PRMT8: variants seen among roughly 807,000 people sequenced by gnomAD.
PRMT8 encodes the protein protein arginine methyltransferase 8.
Under a neutral mutation model 47.1 loss-of-function variants are expected in PRMT8, and 7 were observed. The observed-to-expected ratio is 0.15, with a 90% CI of 0.08 to 0.28. The LOEUF (loss-of-function observed/expected upper bound fraction) is 0.28. PRMT8 is among the 10% of genes least tolerant of loss of function. The probability of loss-of-function intolerance (pLI) is 1.00; values close to 1 mark genes in which losing one functional copy is unlikely to be tolerated. For synonymous variants in PRMT8, 188 were observed against 186.5 expected (o/e 1.01, Z -0.07); for missense variants, 237 against 505.4 (o/e 0.47, Z 5.09).
intron 1 of PRMT8, among the ~76,000 whole-genome samples, chr12:3,527,863 T>TA (rs1865970524): frequency 1.3e-5 from 2 of 152,324 alleles, no homozygotes; most frequent in South Asian, 4.1e-4. Flanking sequence ...TGTATGTCTC[T>TA]AAAAGACTTT....
At chr12:3,523,089 T>A (rs574986070) in intron 1 of PRMT8, among the ~76,000 whole-genome samples, 1 of 152,054 alleles carries the variant, frequency 6.6e-6, no homozygotes, top group South Asian at 2.1e-4. Flanking sequence ...GCCTGCCAAG[T>A]CTTACAGTGT....
chr12:3,533,571 C>T (rs554649604), intron 1 of PRMT8, among the ~76,000 whole-genome samples: 1 of 152,334 alleles, frequency 6.6e-6, no homozygotes, highest in African/African-American at 2.4e-5. Flanking sequence ...CTCCCCTTTG[C>T]CCCCAGACTC....
In PRMT8 at chr12:3,409,372, G is replaced by T. The variant is rs968794151; in HGVS notation, c.48+27930G>T. ...CCAATAGGTCACAGCAGCAACTCAG[G>T]CCCTGGGGAATAAGGCACCACGTAG... is the stretch of plus-strand genomic sequence containing the variant. On this transcript the variant is annotated intron_variant, in intron 1 of 9. Coordinates refer to the PRMT8 transcript ENST00000452611. This position sits in a 1 kb window ranked among gnomAD's most constrained non-coding sequence, Gnocchi z 4.4. 1.3e-5 allele frequency among the ~76,000 whole-genome samples: 2 copies of T among 152,168 alleles called. No homozygotes were observed. The highest frequency in any genetic ancestry group is 2.9e-5 in the Non-Finnish European group (2 of 68,020).
chr12:3,422,944 CT>C (rs1238697902), intron 1 of PRMT8, among the ~76,000 whole-genome samples: 3 of 152,232 alleles, frequency 2.0e-5, no homozygotes, highest in Non-Finnish European at 4.4e-5. Context: ...ATATAGTACA[CT>C]TGTGCTGAAG....
At chr12:3,574,443 C>A (rs1299966015) in intron 6 of PRMT8, among the ~76,000 whole-genome samples, 2 of 152,244 alleles carry the variant, frequency 1.3e-5, no homozygotes, top group African/African-American at 4.8e-5. Flanking sequence ...AAAAACTGTT[C>A]CAAGTGATTC....
At chr12:3,391,602 G>T (rs188614704) in intron 1 of PRMT8, among the ~76,000 whole-genome samples, 1 of 152,332 alleles carries the variant, frequency 6.6e-6, no homozygotes. Flanking sequence ...TTAAATCTGA[G>T]TGGAATGCGA....
chr12:3,383,448 A>C (rs1216357343), intron 1 of PRMT8, among the ~76,000 whole-genome samples: 1 of 152,246 alleles, frequency 6.6e-6, no homozygotes, highest in African/African-American at 2.4e-5. Context: ...GTGTCCCCTC[A>C]AAATTCATAT....
In PRMT8 at chr12:3,557,250, G is replaced by A. The variant is rs1185680107; in HGVS notation, c.481+3536G>A. On this transcript the variant is annotated intron_variant, in intron 4 of 9. Transcript: ENST00000382622. This position sits in a 1 kb window ranked among gnomAD's most constrained non-coding sequence, Gnocchi z 4.7. ...TTTCTCTTACCACTCTCAGGAGCTC[G>A]AGTGCGATTGGAGTAGAAGGTTGCC... Among the ~76,000 whole-genome samples, 1 of 152,162 alleles carries A rather than the reference G, an allele frequency of 6.6e-6. No homozygotes were observed. Among genetic ancestry groups the A allele is most frequent in the Non-Finnish European group, 1.5e-5 (1 of 68,030 alleles).
chr12:3,412,868 C>T (rs189159062), intron 1 of PRMT8, among the ~76,000 whole-genome samples: 32 of 152,258 alleles, frequency 2.1e-4, no homozygotes, highest in Admixed American at 1.3e-3. Flanking sequence ...CCACCTTGGC[C>T]GCCCAAAGTG....
rs1017060555 is a variant in PRMT8 at position 3,569,923 on chromosome 12, C to T, written c.712+359C>T. On this transcript the variant is annotated intron_variant, in intron 6 of 9. Transcript: ENST00000382622. The surrounding 1 kb of genome is among the most constrained non-coding windows in gnomAD (Gnocchi z 8.2). ...AGGTTCAGTTAGCCCAAAAGTCCAC[C>T]GCAGGGGTCTGAAGTAGCAGGTCTC... Among the ~76,000 whole-genome samples the T allele has an allele frequency of 9.9e-5, 15 of 152,206 alleles. No individual in the cohort carries two copies. Among genetic ancestry groups the T allele is most frequent in the African/African-American group, 2.7e-4 (11 of 41,444 alleles).
At chr12:3,525,888 A>C (rs1865943958) in intron 1 of PRMT8, among the ~76,000 whole-genome samples, 1 of 152,196 alleles carries the variant, frequency 6.6e-6, no homozygotes, top group Non-Finnish European at 1.5e-5. Flanking sequence ...CATAAAATTT[A>C]CCATCTTAAC....
intron 1 of PRMT8, among the ~76,000 whole-genome samples, chr12:3,483,716 TAGAC>T (rs1488569578): frequency 2.6e-5 from 4 of 152,226 alleles, no homozygotes; most frequent in African/African-American, 4.8e-5. Flanking sequence ...CAAGAATTGA[TAGAC>T]AGGTAGAAAT....
chr12:3,496,627 T>C (rs1865514372), intron 1 of PRMT8, among the ~76,000 whole-genome samples: 1 of 152,128 alleles, frequency 6.6e-6, no homozygotes, highest in Admixed American at 6.5e-5. Flanking sequence ...AGTTGCTTAA[T>C]GTCTCTGGGC....
At chr12:3,528,682 T>C (rs907979885) in intron 1 of PRMT8, among the ~76,000 whole-genome samples, 1 of 152,202 alleles carries the variant, frequency 6.6e-6, no homozygotes, top group Non-Finnish European at 1.5e-5. Flanking sequence ...GGTAGTATTT[T>C]CTTGCTTCTT....
At chr12:3,540,828 C>G in intron 2 of PRMT8, 37 bp downstream of exon 2, 1 of 1,583,782 alleles carries the variant, frequency 6.3e-7, no homozygotes, top group Non-Finnish European at 8.6e-7. Flanking sequence ...TGGGGCGAGG[C>G]TGACTCTGCT....
At chr12:3,575,422 A>G (rs998087059) in intron 6 of PRMT8, among the ~76,000 whole-genome samples, 1 of 152,260 alleles carries the variant, frequency 6.6e-6, no homozygotes, top group African/African-American at 2.4e-5. Context: ...AATGAGATTC[A>G]GGTGCCCGGA....
intron 1 of PRMT8, among the ~76,000 whole-genome samples, chr12:3,473,123 A>G (rs1865176527): frequency 6.6e-6 from 1 of 152,044 alleles, no homozygotes; most frequent in African/African-American, 2.4e-5. Context: ...TCACTTCTAT[A>G]TACAGTAGAA....
intron 1 of PRMT8, among the ~76,000 whole-genome samples, chr12:3,414,499 A>C (rs1460843077): frequency 6.6e-6 from 1 of 152,166 alleles, no homozygotes; most frequent in East Asian, 1.9e-4. Context: ...GGAGCCTGCA[A>C]GCGAGTGTGG....
At chr12:3,429,157 G>A (rs2137066885) in intron 1 of PRMT8, among the ~76,000 whole-genome samples, 2 of 152,272 alleles carry the variant, frequency 1.3e-5, no homozygotes, top group East Asian at 1.9e-4. Flanking sequence ...GGAGGGGGAT[G>A]TCTAAAACCA....
Sources: gnomAD v4.1 joint callset for allele counts (sites outside exome capture counted in the v4.1 genomes callset) on GRCh38, gnomAD v4.1.1 for gene constraint, Gnocchi (gnomAD v3.1) non-coding constraint, MANE v1.5 for transcripts, NCBI Gene and HGNC (gene_info 2026-07-23, HGNC 2026-07-21) for gene names.